ASCC1: variants seen among roughly 807,000 people sequenced by gnomAD.
ASCC1 encodes the protein activating signal cointegrator 1 complex subunit 1.
A neutral mutation model predicts 46.6 loss-of-function variants in ASCC1; 35 were observed. The observed-to-expected ratio is 0.75, with a 90% CI of 0.57 to 0.99. The LOEUF (loss-of-function observed/expected upper bound fraction) is 0.99. ASCC1 is among the 50% of genes least tolerant of loss of function. The probability of loss-of-function intolerance (pLI) is 0.00; values close to 1 mark genes in which losing one functional copy is unlikely to be tolerated. For missense variants in ASCC1, 376 were observed against 428.7 expected (o/e 0.88, Z 1.09); for synonymous variants, 143 against 146.6 (o/e 0.98, Z 0.18).
In ASCC1 at chr10:72,196,927, C is replaced by G; in HGVS notation, c.373G>C (p.Asp125His). The G allele has an allele frequency of 6.2e-7, 1 of 1,613,640 alleles. No individual in the cohort carries two copies. The highest frequency in any genetic ancestry group is 2.2e-5 in the East Asian group (1 of 44,878). Residue 125 changes from aspartate to histidine, a missense_variant, in exon 5 of 10, where the codon GAC becomes CAC. By Grantham distance (81) the Asp-to-His change is moderately conservative. Coordinates refer to ENST00000672957, the MANE Select transcript of ASCC1 (RefSeq NM_001198800.3). ...SARTRIDVLL[D>H]TFRRKQPFTH... is the part of the protein sequence containing the mutation. ...AAGGGCTGCTTTCTTCGAAAAGTGT[C>G]CAAAAGAACATCAATCCGTGTTCGG...
At chr10:72,215,932 A>T (rs1357735062) in intron 1 of ASCC1, 1 of 152,288 alleles carries the variant, frequency 6.6e-6, no homozygotes, top group African/African-American at 2.4e-5. Context: ...AGGACCCGGA[A>T]TTCCTCTACG....
chr10:72,166,501 C>CAAAAAAAAAA (rs769084089), intron 5 of ASCC1, among the ~76,000 whole-genome samples: 1 of 113,526 alleles, frequency 8.8e-6, no homozygotes, highest in Non-Finnish European at 1.7e-5. Context: ...TTTTTCTCTA[C>CAAAAAAAAAA]AAAAAAAAAA....
rs201184177 is a variant in ASCC1, at chr10:72,211,386, G to GA, written c.113-556dup. On this transcript the variant is annotated intron_variant, in intron 2 of 9. Transcript: ENST00000672957. Reference sequence around the variant, plus strand: ...AACCAACTGCAGATTGAAAATATTTGAAAAAAAAATCCAGCCTGGGCAACA... The same window carrying GA: ...AACCAACTGCAGATTGAAAATATTTGAAAAAAAAAATCCAGCCTGGGCAACA... Among the ~76,000 whole-genome samples the GA allele has an allele frequency of 1.7e-4, 25 of 150,952 alleles. 1 individual carries two copies. Among genetic ancestry groups the GA allele is most frequent in the African/African-American group, 4.4e-4 (18 of 41,224 alleles).
At chr10:72,201,832 C>G (rs1374556310) in intron 4 of ASCC1, among the ~76,000 whole-genome samples, 1 of 151,924 alleles carries the variant, frequency 6.6e-6, no homozygotes, top group Non-Finnish European at 1.5e-5. Flanking sequence ...CCCAGCTATG[C>G]AAGGCTGAGA....
intron 1 of ASCC1, 149 bp from the exon 2 acceptor site, chr10:72,213,480 C>T: frequency 1.7e-6 from 1 of 595,150 alleles, no homozygotes; most frequent in Non-Finnish European, 3.1e-6. Context: ...GATTTCCCAT[C>T]TGTAAACCAG....
intron 5 of ASCC1, among the ~76,000 whole-genome samples, chr10:72,183,145 C>T (rs946747884): frequency 4.0e-5 from 6 of 151,322 alleles, no homozygotes; most frequent in Non-Finnish European, 5.9e-5. Flanking sequence ...TAAGTTCAAG[C>T]GATCCTCCCT....
At chr10:72,152,361 TAA>T (rs1246076506) in intron 7 of ASCC1, among the ~76,000 whole-genome samples, 2 of 152,052 alleles carry the variant, frequency 1.3e-5, no homozygotes, top group African/African-American at 4.8e-5. Context: ...ATGAAGTTGG[TAA>T]AGTTTTCATC....
intron 9 of ASCC1, among the ~76,000 whole-genome samples, chr10:72,125,045 A>G (rs1228069496): frequency 6.6e-6 from 1 of 152,196 alleles, no homozygotes; most frequent in Non-Finnish European, 1.5e-5. Context: ...TACAAAAGAA[A>G]AATGTGGCTT....
chr10:72,185,578 A>C (rs2133091584), intron 5 of ASCC1, among the ~76,000 whole-genome samples: 1 of 152,332 alleles, frequency 6.6e-6, no homozygotes, highest in East Asian at 1.9e-4. Context: ...AATTCCATTC[A>C]TTTAAAATTC....
At chr10:72,138,825 C>T (rs2132381178) in intron 7 of ASCC1, among the ~76,000 whole-genome samples, 1 of 152,204 alleles carries the variant, frequency 6.6e-6, no homozygotes, top group African/African-American at 2.4e-5. Context: ...CTTGGCCTCC[C>T]AAAGTGCTGG....
At chr10:72,200,108 T>C (rs1856279224) in intron 4 of ASCC1, among the ~76,000 whole-genome samples, 1 of 152,062 alleles carries the variant, frequency 6.6e-6, no homozygotes, top group African/African-American at 2.4e-5. Context: ...TACCCTTTTC[T>C]GGATAAGTTC....
At position 72,190,122 on chromosome 10, in the gene ASCC1, T is replaced by C. The variant is rs776384134; in HGVS notation, c.489+6689A>G. The C allele has an allele frequency of 3.0e-4, 227 of 760,462 alleles. 1 individual carries two copies. The highest frequency in any genetic ancestry group is 3.1e-4 in the Middle Eastern group (1 of 3,180). The allele number at this position is 760,462 out of a possible 1,614,324, so 47.1% of individuals were successfully genotyped here. ...TGCAAGACCAAGCAAGGTTACATTA[T>C]ATATAGGATTCATGTTCGCTGTGGT... is the stretch of plus-strand genomic sequence containing the variant. On this transcript the variant is annotated intron_variant, in intron 5 of 9. Transcript: ENST00000672957.
intron 5 of ASCC1, among the ~76,000 whole-genome samples, chr10:72,192,237 C>T (rs143860045): frequency 2.0e-5 from 3 of 152,042 alleles, no homozygotes; most frequent in African/African-American, 7.2e-5. Context: ...AGGTGGATCA[C>T]GAGGTCAGGA....
intron 8 of ASCC1, among the ~76,000 whole-genome samples, chr10:72,131,248 G>A (rs1368710272): frequency 6.6e-6 from 1 of 152,060 alleles, no homozygotes; most frequent in Non-Finnish European, 1.5e-5. Context: ...GTGAAACCCT[G>A]TCTCTACTAA....
chr10:72,170,769 T>C (rs1008446685), intron 5 of ASCC1, among the ~76,000 whole-genome samples: 11 of 151,954 alleles, frequency 7.2e-5, no homozygotes, highest in Admixed American at 7.2e-4. Flanking sequence ...GTGACAAAAT[T>C]TGAACGTGGA....
rs1476454399 is a variant in ASCC1, at chr10:72,210,811, CA to C, written c.132del (p.Asp44GlufsTer20). 1 of 1,613,878 alleles carries C rather than the reference CA, an allele frequency of 6.2e-7. No homozygotes were observed. The highest frequency in any genetic ancestry group is 1.3e-5 in the African/African-American group (1 of 74,878). On this transcript the variant is annotated frameshift_variant, in exon 3 of 10. Transcript: ENST00000672957. LOFTEE classifies it high-confidence loss of function. ...TCCACCTCGTAGGCATCACAGGGCT[CA>C]TCAGCACACTCCATGGAGCCTGCAC... ...DFYQGSMECA[D>X]EPCDAYEVEQ... is the part of the protein sequence containing the mutation.
At chr10:72,138,600 CTTTTTTTTTTT>C (rs1011535460) in intron 7 of ASCC1, among the ~76,000 whole-genome samples, 2 of 104,544 alleles carry the variant, frequency 1.9e-5, no homozygotes, top group African/African-American at 8.7e-5. Context: ...TTCTTTCTTT[CTTTTTTTTTTT>C]TTTTTTTTTT....
At chr10:72,122,925 G>A (rs1183289715) in intron 9 of ASCC1, among the ~76,000 whole-genome samples, 1 of 152,178 alleles carries the variant, frequency 6.6e-6, no homozygotes, top group Non-Finnish European at 1.5e-5. Flanking sequence ...ATAGTATTTA[G>A]TGCATGTTAG....
At chr10:72,176,741 A>C (rs1352157278) in intron 5 of ASCC1, among the ~76,000 whole-genome samples, 1 of 151,962 alleles carries the variant, frequency 6.6e-6, no homozygotes, top group East Asian at 1.9e-4. Context: ...TTCCACTCTT[A>C]ACTCCTACCT....
Sources: gnomAD v4.1 joint callset for allele counts (sites outside exome capture counted in the v4.1 genomes callset) on GRCh38, gnomAD v4.1.1 for gene constraint, MANE v1.5 for transcripts, NCBI Gene and HGNC (gene_info 2026-07-23, HGNC 2026-07-21) for gene names.